Variants in TINAG observed in about 807,000 individuals in gnomAD.
TINAG encodes the protein tubulointerstitial nephritis antigen.
TINAG carries 83 observed loss-of-function variants against 72.7 expected under a neutral mutation model. The ratio of observed to expected loss-of-function variants is 1.14; its 90% CI spans 0.96 to 1.37. TINAG has a LOEUF of 1.37. TINAG is among the 40% of genes most tolerant of loss of function. The pLI, the probability that TINAG is intolerant of heterozygous loss-of-function variation, is 0.00. For missense variants in TINAG, 685 were observed against 576.6 expected (o/e 1.19, Z -1.93); for synonymous variants, 234 against 189.9 (o/e 1.23, Z -1.91).
intron 9 of TINAG, among the ~76,000 whole-genome samples, chr6:54,359,942 T>G (rs1042977937): frequency 6.6e-6 from 1 of 151,772 alleles, no homozygotes; most frequent in African/African-American, 2.4e-5. Flanking sequence ...ACCTAACTAA[T>G]GTAACACGAC....
chr6:54,380,511 T>G lies in TINAG; in HGVS notation c.1251-15T>G. 1 of 1,604,372 alleles carries G rather than the reference T, an allele frequency of 6.2e-7. No individual in the cohort carries two copies. Among genetic ancestry groups the G allele is most frequent in the South Asian group, 1.1e-5 (1 of 90,076 alleles). On this transcript the variant is annotated splice_polypyrimidine_tract_variant and intron_variant, in intron 9 of 10. Transcript: ENST00000259782. ...TTTTAACCATACCAATCTTTATTAT[T>G]GTTATTAATTGTAGATGGGGCACAC...
chr6:54,380,475 C>T (rs746943116), intron 9 of TINAG, 51 bp from the exon 10 acceptor site: 1 of 1,503,398 alleles, frequency 6.7e-7, no homozygotes, highest in East Asian at 2.3e-5. Context: ...TCTCAAGAAG[C>T]AAACCAAACA....
chr6:54,359,933 C>G (rs1468229179), intron 9 of TINAG, among the ~76,000 whole-genome samples: 2 of 151,660 alleles, frequency 1.3e-5, no homozygotes, highest in African/African-American at 4.8e-5. Flanking sequence ...CTAAGAAGTA[C>G]CTAACTAATG....
chr6:54,359,637 A>G (rs1261157717), intron 9 of TINAG, among the ~76,000 whole-genome samples: 2 of 151,816 alleles, frequency 1.3e-5, no homozygotes, highest in Non-Finnish European at 2.9e-5. Context: ...AACTCCTAGA[A>G]AATTGGGATC....
intron 9 of TINAG, among the ~76,000 whole-genome samples, chr6:54,378,148 C>T (rs935848718): frequency 6.6e-6 from 1 of 152,154 alleles, no homozygotes; most frequent in Non-Finnish European, 1.5e-5. Flanking sequence ...GAACTAACTG[C>T]ACAATAGCTT....
rs187098294 is a variant in TINAG, at chr6:54,328,320, G to A, written c.624+1404G>A. The stretch of plus-strand genomic sequence containing the variant: ...CTGAAGGCCCTGCTGGTGATACCCA[G>A]GCAAACAAGATCTGGAGTGGACCTC... On this transcript the variant is annotated intron_variant, in intron 4 of 10. Transcript: ENST00000259782. Among the ~76,000 whole-genome samples, 15 of 152,196 alleles carry A rather than the reference G, an allele frequency of 9.9e-5. No individual in the cohort carries two copies. The East Asian group carries it at 2.7e-3, about 28-fold the overall frequency.
intron 9 of TINAG, among the ~76,000 whole-genome samples, chr6:54,371,888 C>T (rs1258304241): frequency 6.7e-6 from 1 of 150,134 alleles, no homozygotes; most frequent in Non-Finnish European, 1.5e-5. Flanking sequence ...TGATTACAGT[C>T]AGTTCCTTAA....
chr6:54,308,649 T>C lies in TINAG; in HGVS notation c.99T>C (p.Ala33=). 1 of 1,613,850 alleles carries C rather than the reference T, an allele frequency of 6.2e-7. No homozygotes were observed. The highest frequency in any genetic ancestry group is 8.5e-7 in the Non-Finnish European group (1 of 1,179,844). ...YLSQREVDLE[A]YFTRNHTVLQ... ...CTCAAAGAGAAGTGGACCTAGAGGC[T>C]TATTTCACTAGGAATCACACCGTTT... The change falls in exon 1 of 11, where the codon GCT becomes GCC. Residue 33 remains alanine (A), a synonymous_variant. Transcript: ENST00000259782.
chr6:54,317,354 C>T (rs1030263230), intron 1 of TINAG, among the ~76,000 whole-genome samples: 1 of 152,086 alleles, frequency 6.6e-6, no homozygotes, highest in African/African-American at 2.4e-5. Context: ...TAATTCTCAC[C>T]TGTCATGGGA....
chr6:54,353,057 G>C (rs537235533), intron 8 of TINAG, among the ~76,000 whole-genome samples: 1 of 151,812 alleles, frequency 6.6e-6, no homozygotes, highest in East Asian at 1.9e-4. Flanking sequence ...TTTTCCAAAA[G>C]TAAAATTGCA....
At chr6:54,328,589 A>C (rs1784663127) in intron 4 of TINAG, among the ~76,000 whole-genome samples, 1 of 152,056 alleles carries the variant, frequency 6.6e-6, no homozygotes, top group Non-Finnish European at 1.5e-5. Flanking sequence ...AACTCCTTGC[A>C]AGCAAGTGAA....
chr6:54,321,298 A>C lies in TINAG; in HGVS notation c.421A>C (p.Thr141Pro). The change falls in exon 3 of 11, where the codon ACA becomes CCA. Residue 141 changes from threonine to proline, a missense_variant and splice_region_variant. Physicochemically the swap from Thr to Pro is conservative, Grantham distance 38. Coordinates refer to ENST00000259782, the MANE Select transcript of TINAG (RefSeq NM_014464.4). ...TTTGTAATTGTCATATCTTTGCAGC[A>C]CATGCTCAGGACAGCAATGGAAATG... is the stretch of plus-strand genomic sequence containing the variant. Reference protein sequence around the residue: ...SVIKENCNSCTCSGQQWKCSQ... With the variant: ...SVIKENCNSCPCSGQQWKCSQ... The C allele has an allele frequency of 6.2e-7, 1 of 1,613,340 alleles. No homozygotes were observed. Among genetic ancestry groups the C allele is most frequent in the Non-Finnish European group, 8.5e-7 (1 of 1,179,524 alleles).
At chr6:54,355,483 C>T (rs1763006620) in intron 9 of TINAG, among the ~76,000 whole-genome samples, 1 of 151,870 alleles carries the variant, frequency 6.6e-6, no homozygotes, top group African/African-American at 2.4e-5. Context: ...CAGTTCTAAG[C>T]TATGTAGACA....
chr6:54,354,388 A>C, intron 8 of TINAG, 125 bp from the exon 9 acceptor site: 1 of 854,030 alleles, frequency 1.2e-6, no homozygotes, highest in Non-Finnish European at 1.8e-6. Flanking sequence ...AGGCTGAATC[A>C]CACAGCCCCT....
chr6:54,312,656 C>G (rs1253007774), intron 1 of TINAG, among the ~76,000 whole-genome samples: 1 of 151,968 alleles, frequency 6.6e-6, no homozygotes, highest in East Asian at 1.9e-4. Context: ...ATGTGGCAAT[C>G]TACATAGAAA....
intron 4 of TINAG, among the ~76,000 whole-genome samples, chr6:54,339,768 C>A (rs1418061285): frequency 6.6e-6 from 1 of 152,130 alleles, no homozygotes. Flanking sequence ...TCAAATAGTT[C>A]CAAAATTTCT....
At chr6:54,383,189 A>G (rs111268526) in intron 10 of TINAG, among the ~76,000 whole-genome samples, 13 of 152,270 alleles carry the variant, frequency 8.5e-5, no homozygotes, top group African/African-American at 3.1e-4. Context: ...GAAGAGTAGA[A>G]TATTTTTGGG....
At chr6:54,370,504 A>G (rs1763570743) in intron 9 of TINAG, among the ~76,000 whole-genome samples, 1 of 152,128 alleles carries the variant, frequency 6.6e-6, no homozygotes, top group Non-Finnish European at 1.5e-5. Flanking sequence ...TTTATTCTTA[A>G]TTCAAACTTT....
intron 4 of TINAG, 85 bp from the exon 5 acceptor site, chr6:54,343,141 T>C: frequency 8.4e-7 from 1 of 1,191,120 alleles, no homozygotes; most frequent in Non-Finnish European, 1.1e-6. Context: ...TAAAAAATAA[T>C]TATAACTTTA....
Sources: allele counts gnomAD v4.1 joint callset (sites outside exome capture counted in the v4.1 genomes callset), GRCh38; gene constraint gnomAD v4.1.1; transcripts MANE v1.5; gene names NCBI Gene and HGNC (gene_info 2026-07-23, HGNC 2026-07-21).